The following SZT2 variants were observed in gnomAD, a reference collection of about 807,000 sequenced individuals.
SZT2 encodes the protein SZT2 subunit of KICSTOR complex.
In SZT2, 216 loss-of-function variants were observed where a neutral mutation model predicts 404.2. The ratio of observed to expected loss-of-function variants is 0.53; its 90% CI spans 0.48 to 0.60. The LOEUF is 0.60. Ranked by LOEUF, SZT2 falls within the 20% of genes least tolerant of loss-of-function variation. The pLI is 0.00. For synonymous variants in SZT2, 1,693 were observed against 1,749.9 expected (o/e 0.97, Z 0.81); for missense variants, 3,857 against 4,459.2 (o/e 0.86, Z 3.85).
intron 4 of SZT2, among the ~76,000 whole-genome samples, chr1:43,408,777 T>C (rs1423746864): frequency 6.6e-6 from 1 of 152,224 alleles, no homozygotes; most frequent in East Asian, 1.9e-4. Context: ...CTCACCTTTT[T>C]ATGGCTCCAG....
In SZT2 at chr1:43,426,373, G is replaced by T; in HGVS notation, c.3049G>T (p.Glu1017Ter). 2 of 1,555,486 alleles carry T rather than the reference G, an allele frequency of 1.3e-6. No homozygotes were observed. Among genetic ancestry groups the T allele is most frequent in the Non-Finnish European group, 1.7e-6 (2 of 1,155,204 alleles). ...GCAGAGTGTGTGTCGGGCAGAGCCA[G>T]AGGGTGTCCCTTTCGCCGAGGGGTC... The part of the protein sequence containing the change: ...MFFLLLAREP[E>*]GVPFAEGSCP... Residue 1017 changes from glutamate to a stop codon, truncating the protein, a stop_gained, in exon 22 of 72, where the codon GAG becomes TAG. Transcript: ENST00000634258. LOFTEE classifies it high-confidence loss of function. This position sits in a 1 kb window ranked among gnomAD's most constrained non-coding sequence, Gnocchi z 4.9.
intron 70 of SZT2, chr1:43,449,624 G>A (rs1246309939): frequency 1.0e-5 from 2 of 196,848 alleles, no homozygotes; most frequent in Non-Finnish European, 1.1e-5. Context: ...GGGCATCAGG[G>A]ATTCGAGCTC....
chr1:43,434,460 G>C lies in SZT2; in HGVS notation c.5879G>C (p.Gly1960Ala). ...HLQQLLVRRV[G>A]EICREVNQRL... ...CAGCAGCTCCTGGTGAGGCGAGTTG[G>C]GGAGATCTGCAGGGAGGTCAACCAG... is the stretch of plus-strand genomic sequence containing the variant. The change falls in exon 41 of 72, where the codon GGG (glycine) becomes GCG (alanine). Residue 1960 changes from glycine to alanine, a missense_variant. Coordinates refer to ENST00000634258, the MANE Select transcript of SZT2 (RefSeq NM_001365999.1). 6.3e-7 allele frequency: 1 copy of C among 1,596,950 alleles called. No homozygotes were observed. Among genetic ancestry groups the C allele is most frequent in the African/African-American group, 1.3e-5 (1 of 74,968 alleles).
At position 43,431,871 on chromosome 1, in the gene SZT2, G is replaced by A. The variant is rs1439079729; in HGVS notation, c.5244G>A (p.Gly1748=). 1.9e-6 allele frequency: 3 copies of A among 1,614,022 alleles called. No individual in the cohort carries two copies. The highest frequency in any genetic ancestry group is 1.7e-6 in the Non-Finnish European group (2 of 1,180,022). ...CTCTGCCACTGAGTTTTGTATTTGGGCCAGAGCGTTCCCTCACACAATTCA... is the reference window on the plus strand; with the variant it reads ...CTCTGCCACTGAGTTTTGTATTTGGACCAGAGCGTTCCCTCACACAATTCA... ...RQTLPLSFVF[G]PERSLTQFKE... is the part of the protein sequence containing the mutation. The change falls in exon 36 of 72, where the codon GGG becomes GGA. Residue 1748 remains glycine, a synonymous_variant. Transcript: ENST00000634258.
Position 43,441,634 on chromosome 1 carries a change from C to T in SZT2, c.7609+33C>T, listed in dbSNP as rs1424152237. ...CCCAGCCTCCCCTCCCATCCCTCAA[C>T]CCCAGCCTGGTCTCCATCCTGCAGC... On this transcript the variant is annotated intron_variant, in intron 54 of 71. Coordinates refer to ENST00000634258, the MANE Select transcript of SZT2 (RefSeq NM_001365999.1). This position sits in a 1 kb window ranked among gnomAD's most constrained non-coding sequence, Gnocchi z 4.8. 3.7e-6 allele frequency: 6 copies of T among 1,613,898 alleles called. No homozygotes were observed. The highest frequency in any genetic ancestry group is 5.1e-6 in the Non-Finnish European group (6 of 1,179,938).
rs368494749 is a variant in SZT2, at chr1:43,448,584, A to G, written c.9970-28A>G. The G allele has an allele frequency of 9.5e-5, 154 of 1,613,892 alleles. No individual in the cohort carries two copies. The African/African-American group carries it at 1.8e-3, about 18-fold the overall frequency. On this transcript the variant is annotated intron_variant, in intron 69 of 71. Transcript: ENST00000634258. The surrounding 1 kb of genome is among the most constrained non-coding windows in gnomAD (Gnocchi z 4.2). Reference sequence around the variant, plus strand: ...AGGAATCTGAGGTGACTGGCACAGAAGACTCAGGCCTGTGGCTCCTCCCTC... The same window carrying G: ...AGGAATCTGAGGTGACTGGCACAGAGGACTCAGGCCTGTGGCTCCTCCCTC...
chr1:43,390,925 A>G (rs1454796493), intron 1 of SZT2, among the ~76,000 whole-genome samples: 2 of 152,270 alleles, frequency 1.3e-5, no homozygotes, highest in South Asian at 2.1e-4. Flanking sequence ...GTACCATTCT[A>G]AGCTCTTTAC....
At position 43,437,442 on chromosome 1, in the gene SZT2, CTG is replaced by C. The variant is rs939305780; in HGVS notation, c.6227_6228del (p.Val2076GlyfsTer29). 6.2e-7 allele frequency: 1 copy of C among 1,614,166 alleles called. No homozygotes were observed. The highest frequency in any genetic ancestry group is 8.5e-7 in the Non-Finnish European group (1 of 1,180,032). ...CTGCGCTCTGTGCTCAATGCCTTCT[CTG>C]TGGTGAACCGGAAAAACATGTTTGT... On this transcript the variant is annotated frameshift_variant, in exon 44 of 72. Transcript: ENST00000634258. LOFTEE classifies it high-confidence loss of function. This position sits in a 1 kb window ranked among gnomAD's most constrained non-coding sequence, Gnocchi z 5.3.
In SZT2 at chr1:43,403,639, G is replaced by T. The variant is rs769777334; in HGVS notation, c.192G>T (p.Leu64=). The change falls in exon 3 of 72, where the codon CTG becomes CTT. Residue 64 remains leucine, a synonymous_variant. Coordinates refer to ENST00000634258, the MANE Select transcript of SZT2 (RefSeq NM_001365999.1). ...AGGAATTGGAAGTCCTCAGTGTCCTGCCCCCTGGGTGGCAGCCAGATGAAC... is the reference window on the plus strand; with the variant it reads ...AGGAATTGGAAGTCCTCAGTGTCCTTCCCCCTGGGTGGCAGCCAGATGAAC... The part of the protein sequence containing the change: ...SEQELEVLSV[L]PPGWQPDEPV... The T allele has an allele frequency of 6.2e-7, 1 of 1,614,064 alleles. No homozygotes were observed. The highest frequency in any genetic ancestry group is 8.5e-7 in the Non-Finnish European group (1 of 1,180,006).
Position 43,422,472 on chromosome 1 carries a change from C to G in SZT2, c.1770-8C>G, listed in dbSNP as rs778562228. ...AGGTCTAACCTCAGTCCACACCCCT[C>G]TTCCTAGACCAATCCCCAAGCACTT... On this transcript the variant is annotated splice_polypyrimidine_tract_variant and splice_region_variant and intron_variant, in intron 12 of 71. Coordinates refer to ENST00000634258, the MANE Select transcript of SZT2 (RefSeq NM_001365999.1). 1 of 1,573,570 alleles carries G rather than the reference C, an allele frequency of 6.4e-7. No homozygotes were observed. Among genetic ancestry groups the G allele is most frequent in the South Asian group, 1.2e-5 (1 of 86,686 alleles).
intron 1 of SZT2, among the ~76,000 whole-genome samples, chr1:43,399,493 C>T (rs1354725392): frequency 1.5e-5 from 2 of 133,516 alleles, no homozygotes; most frequent in East Asian, 4.3e-4. Context: ...TTTTTTGAGA[C>T]GGAGTCTCGC....
At chr1:43,409,731 C>T (rs1174250197) in intron 4 of SZT2, 1 of 175,758 alleles carries the variant, frequency 5.7e-6, no homozygotes, top group Non-Finnish European at 1.2e-5. Flanking sequence ...ACAATGAAAA[C>T]TATAAAACAT....
rs1467293016 is a variant in SZT2 at position 43,427,632 on chromosome 1, G to C, written c.3701G>C (p.Arg1234Pro). Residue 1234 changes from arginine to proline, a missense_variant, in exon 26 of 72, where the codon CGG becomes CCG. Around this residue, in one of 7 missense-constraint regions of SZT2, gnomAD observed 1,725 missense variants for 1,881.0 expected, o/e 0.92. Transcript: ENST00000634258. Reference protein sequence around the residue: ...ASQTESADGPRTRCPVYIYSC... With the variant: ...ASQTESADGPPTRCPVYIYSC... ...CAGACAGAGAGTGCGGATGGGCCCCGGACCCGGTGTCCTGTCTACATCTAC... is the reference window on the plus strand; with the variant it reads ...CAGACAGAGAGTGCGGATGGGCCCCCGACCCGGTGTCCTGTCTACATCTAC... 6.2e-7 allele frequency: 1 copy of C among 1,614,156 alleles called. No homozygotes were observed. Among genetic ancestry groups the C allele is most frequent in the Non-Finnish European group, 8.5e-7 (1 of 1,180,046 alleles).
At chr1:43,434,578 A>T (rs1404453846) in intron 41 of SZT2, 93 bp downstream of exon 41, 10 of 1,107,042 alleles carry the variant, frequency 9.0e-6, no homozygotes, top group Admixed American at 5.1e-5. Flanking sequence ...GGTCCATTTC[A>T]GAATCAATAA....
chr1:43,422,564 C>T lies in SZT2; in HGVS notation c.1854C>T (p.Thr618=), dbSNP rs560480887. The T allele has an allele frequency of 3.8e-6, 6 of 1,598,208 alleles. No homozygotes were observed. Among genetic ancestry groups the T allele is most frequent in the Non-Finnish European group, 5.1e-6 (6 of 1,179,724 alleles). Residue 618 remains threonine (T), a synonymous_variant, in exon 13 of 72, where the codon ACC becomes ACT. Transcript: ENST00000634258. ...IQCRISHSSL[T]SLLRDWSSFV... is the part of the protein sequence containing the mutation. ...GCAGGATCTCCCACTCCTCCCTGAC[C>T]TCTCTGCTGCGGGACTGGAGCAGCT...
intron 1 of SZT2, among the ~76,000 whole-genome samples, chr1:43,402,703 G>C (rs1649823802): frequency 1.3e-5 from 2 of 152,192 alleles, no homozygotes; most frequent in African/African-American, 2.4e-5. Context: ...GTTTGATTTT[G>C]AGGTATTTGG....
At chr1:43,427,002 C>G in intron 23 of SZT2, 54 bp from the exon 24 acceptor site, 2 of 1,605,596 alleles carry the variant, frequency 1.2e-6, no homozygotes, top group Non-Finnish European at 1.7e-6. Flanking sequence ...AGGAGGGGAA[C>G]AGGGGTTGGA....
chr1:43,398,573 T>C, intron 1 of SZT2, among the ~76,000 whole-genome samples: 1 of 152,140 alleles, frequency 6.6e-6, no homozygotes, highest in Admixed American at 6.5e-5. Context: ...AAGTCAAACC[T>C]GAAGGAGAGG....
intron 67 of SZT2, 37 bp from the exon 68 acceptor site, chr1:43,447,812 C>G (rs1323588248): frequency 6.2e-7 from 1 of 1,613,258 alleles, no homozygotes. Context: ...TTTATTAGAA[C>G]CCCAGAGTTG....
Sources: gnomAD v4.1 joint callset for allele counts (sites outside exome capture counted in the v4.1 genomes callset) on GRCh38, gnomAD v4.1.1 for gene constraint, gnomAD v4.1.1 regional missense constraint, Gnocchi (gnomAD v3.1) non-coding constraint, MANE v1.5 for transcripts, NCBI Gene and HGNC (gene_info 2026-07-23, HGNC 2026-07-21) for gene names.